The following FAT3 variants were observed in gnomAD, a reference collection of about 807,000 sequenced individuals.
FAT3 encodes FAT atypical cadherin 3, also known as protocadherin Fat 3.
In FAT3, 95 loss-of-function variants were observed where a neutral mutation model predicts 310.2. The observed-to-expected ratio is 0.31, with a 90% CI of 0.26 to 0.36. FAT3 has a LOEUF of 0.36. Among genes scored for constraint, FAT3 ranks in the 10% least tolerant of loss-of-function variants. The pLI is 1.00. For synonymous variants in FAT3, 2,314 were observed against 2,192.9 expected (o/e 1.06, Z -1.54); for missense variants, 5,408 against 5,715.6 (o/e 0.95, Z 1.74).
intron 13 of FAT3, among the ~76,000 whole-genome samples, chr11:92,821,017 A>G (rs1947954791): frequency 6.6e-6 from 1 of 152,294 alleles, no homozygotes; most frequent in East Asian, 1.9e-4. Context: ...GAGCACAGCT[A>G]TTTGACATAG....
chr11:92,884,038 C>T (rs942293315), intron 24 of FAT3, among the ~76,000 whole-genome samples: 1 of 151,008 alleles, frequency 6.6e-6, no homozygotes, highest in Admixed American at 6.6e-5. Context: ...GGGGGATCCA[C>T]AAGGCAGAAA....
At chr11:92,302,288 G>A (rs555885775) in intron 1 of FAT3, among the ~76,000 whole-genome samples, 14 of 151,208 alleles carry the variant, frequency 9.3e-5, no homozygotes, top group Non-Finnish European at 1.5e-4. Context: ...TACAGAAACC[G>A]AAGTTCTAAG....
intron 4 of FAT3, among the ~76,000 whole-genome samples, chr11:92,704,780 C>T (rs1418382210): frequency 4.6e-5 from 7 of 152,130 alleles, no homozygotes; most frequent in East Asian, 1.9e-4. Flanking sequence ...CTATGTTCCT[C>T]GGTTATGCAG....
At chr11:92,436,591 A>T (rs2135054752) in intron 2 of FAT3, among the ~76,000 whole-genome samples, 1 of 152,252 alleles carries the variant, frequency 6.6e-6, no homozygotes, top group Middle Eastern at 3.4e-3. Flanking sequence ...GCCAGTACCT[A>T]GCACTGTTTC....
At chr11:92,395,244 G>T (rs1289920517) in intron 2 of FAT3, among the ~76,000 whole-genome samples, 3 of 152,110 alleles carry the variant, frequency 2.0e-5, no homozygotes, top group Non-Finnish European at 1.5e-5. Flanking sequence ...ATAGGTACTT[G>T]AATTGATTGA....
intron 5 of FAT3, among the ~76,000 whole-genome samples, chr11:92,762,770 A>G (rs1946188696): frequency 6.6e-6 from 1 of 152,310 alleles, no homozygotes; most frequent in African/African-American, 2.4e-5. Flanking sequence ...TCCTGTATCT[A>G]CAGTGCCAGT....
intron 2 of FAT3, among the ~76,000 whole-genome samples, chr11:92,471,419 A>G (rs867976443): frequency 5.3e-5 from 8 of 152,222 alleles, no homozygotes; most frequent in African/African-American, 1.9e-4. Flanking sequence ...ATTTTACGGA[A>G]GAGTAAACCA....
chr11:92,673,761 T>A (rs936173832), intron 3 of FAT3, among the ~76,000 whole-genome samples: 1 of 152,056 alleles, frequency 6.6e-6, no homozygotes, highest in African/African-American at 2.4e-5. Context: ...TTTAAAAAAA[T>A]TTTCAGGAGT....
intron 2 of FAT3, among the ~76,000 whole-genome samples, chr11:92,512,453 A>C (rs1391810671): frequency 1.3e-5 from 2 of 149,960 alleles, no homozygotes; most frequent in African/African-American, 4.9e-5. Context: ...AGGTTAAAGC[A>C]AAGGGGACTT....
intron 25 of FAT3, among the ~76,000 whole-genome samples, chr11:92,887,836 A>G (rs1272614978): frequency 6.6e-6 from 1 of 152,204 alleles, no homozygotes; most frequent in Non-Finnish European, 1.5e-5. Context: ...AAGCAGGAAC[A>G]GTCATAAAAC....
chr11:92,251,062 TA>T (rs1388863612), intron 1 of FAT3, among the ~76,000 whole-genome samples: 1 of 152,160 alleles, frequency 6.6e-6, no homozygotes, highest in Non-Finnish European at 1.5e-5. Context: ...ATACTTTTAG[TA>T]AATATACAGA....
intron 3 of FAT3, among the ~76,000 whole-genome samples, chr11:92,599,033 C>A (rs552273721): frequency 9.2e-5 from 14 of 152,280 alleles, no homozygotes; most frequent in African/African-American, 1.4e-4. Flanking sequence ...GAGAATACAG[C>A]CTGTCTGGAC....
intron 22 of FAT3, among the ~76,000 whole-genome samples, chr11:92,878,058 G>GCTC (rs1949573104): frequency 6.6e-6 from 1 of 152,180 alleles, no homozygotes; most frequent in African/African-American, 2.4e-5. Flanking sequence ...ATGAGCATGT[G>GCTC]CACATACATG....
intron 3 of FAT3, among the ~76,000 whole-genome samples, chr11:92,695,089 C>A (rs562462164): frequency 6.6e-6 from 1 of 152,256 alleles, no homozygotes; most frequent in East Asian, 1.9e-4. Flanking sequence ...CATCACCCCA[C>A]CCCACACCCA....
chr11:92,287,486 T>G (rs1196139031), intron 1 of FAT3, among the ~76,000 whole-genome samples: 1 of 152,116 alleles, frequency 6.6e-6, no homozygotes, highest in African/African-American at 2.4e-5. Context: ...AGTATAATAT[T>G]TTGTACTACA....
chr11:92,511,952 C>A (rs1953303712), intron 2 of FAT3, among the ~76,000 whole-genome samples: 2 of 151,872 alleles, frequency 1.3e-5, no homozygotes, highest in African/African-American at 4.8e-5. Flanking sequence ...TGATACTAAC[C>A]CACTGTGAGG....
rs191387994 is a variant in FAT3, at chr11:92,844,524, C to G, written c.11157C>G (p.Ile3719Met). The part of the protein sequence containing the change: ...SSEFYKPAYL[I>M]QKLSNARRHL... ...AGTTCTACAAGCCAGCCTACCTGAT[C>G]CAGAAGCTGTCCAATGCTAGAAGAC... is the stretch of plus-strand genomic sequence containing the variant. Residue 3719 changes from isoleucine to methionine, a missense_variant, in exon 19 of 28, where the codon ATC becomes ATG. By Grantham distance (10) the Ile-to-Met change is conservative. Around this residue, in one of 5 missense-constraint regions of FAT3, gnomAD observed 4,588 missense variants for 4,809.8 expected, o/e 0.95. Coordinates refer to ENST00000525166, the MANE Select transcript of FAT3 (RefSeq NM_001367949.2). 3.7e-5 allele frequency: 59 copies of G among 1,613,984 alleles called. No individual in the cohort carries two copies. The highest frequency in any genetic ancestry group is 4.9e-5 in the Non-Finnish European group (58 of 1,179,878).
intron 14 of FAT3, among the ~76,000 whole-genome samples, chr11:92,833,812 G>A (rs76902265): frequency 0.018 from 2,753 of 152,294 alleles, 77 homozygotes; most frequent in East Asian, 0.11. Flanking sequence ...ACACCATGGG[G>A]AAATGGCTAA....
intron 2 of FAT3, among the ~76,000 whole-genome samples, chr11:92,486,337 G>A (rs537477902): frequency 6.6e-6 from 1 of 151,622 alleles, no homozygotes; most frequent in East Asian, 1.9e-4. Context: ...CTAGGCAGAT[G>A]GTGGTGTCTG....
Sources: gnomAD v4.1 joint callset for allele counts (sites outside exome capture counted in the v4.1 genomes callset) on GRCh38, gnomAD v4.1.1 for gene constraint, gnomAD v4.1.1 regional missense constraint, MANE v1.5 for transcripts, NCBI Gene and HGNC (gene_info 2026-07-23, HGNC 2026-07-21) for gene names.